The following MYH15 variants were observed in gnomAD, a reference collection of about 807,000 sequenced individuals.
MYH15 encodes the protein myosin heavy chain 15, also known as myosin-15.
MYH15 carries 227 observed loss-of-function variants against 240.5 expected under a neutral mutation model. The ratio of observed to expected loss-of-function variants is 0.94; its 90% CI spans 0.85 to 1.05. The LOEUF (loss-of-function observed/expected upper bound fraction) is 1.05, where lower values mean the gene tolerates loss of function less well. Ranked by LOEUF, MYH15 falls within the 50% of genes least tolerant of loss-of-function variation. The probability of loss-of-function intolerance (pLI) is 0.00; values close to 1 mark genes in which losing one functional copy is unlikely to be tolerated. For synonymous variants in MYH15, 785 were observed against 796.7 expected (o/e 0.99, Z 0.25); for missense variants, 2,217 against 2,247.5 (o/e 0.99, Z 0.27).
At chr3:108,466,460 T>G (rs961073871) in intron 14 of MYH15, among the ~76,000 whole-genome samples, 2 of 152,160 alleles carry the variant, frequency 1.3e-5, no homozygotes, top group African/African-American at 4.8e-5. Context: ...GTAGAAGGCC[T>G]AAAATTAAGG....
intron 16 of MYH15, among the ~76,000 whole-genome samples, 200 bp downstream of exon 16, chr3:108,462,911 C>T (rs1385775237): frequency 6.6e-6 from 1 of 152,092 alleles, no homozygotes; most frequent in African/African-American, 2.4e-5. Flanking sequence ...GAACAGACTT[C>T]TTGAATCTAT....
At chr3:108,409,617 C>T (rs1416263928) in intron 31 of MYH15, among the ~76,000 whole-genome samples, 1 of 152,212 alleles carries the variant, frequency 6.6e-6, no homozygotes, top group East Asian at 1.9e-4. Context: ...TCATTTACGC[C>T]TCCAACAGTA....
chr3:108,516,505 T>G (rs1389263954), intron 1 of MYH15, among the ~76,000 whole-genome samples: 1 of 152,180 alleles, frequency 6.6e-6, no homozygotes, highest in Non-Finnish European at 1.5e-5. Flanking sequence ...CAAGGCCCAG[T>G]GAATGCCACA....
Position 108,432,550 on chromosome 3 carries a change from T to C in MYH15, c.3222-1628A>G, listed in dbSNP as rs1410246195. On this transcript the variant is annotated intron_variant, in intron 25 of 40. Transcript: ENST00000693548. ...AAATGTCTCCAGGCCATGTCAGAGG[T>C]CTTCACTACAGACCCTCCTATCACA... Among the ~76,000 whole-genome samples, 3 of 151,990 alleles carry C rather than the reference T, an allele frequency of 2.0e-5. No individual in the cohort carries two copies. In the East Asian group the frequency reaches 5.8e-4, roughly 30 times the overall value.
intron 11 of MYH15, 36 bp from the exon 12 acceptor site, chr3:108,476,551 G>C: frequency 1.5e-6 from 2 of 1,341,318 alleles, no homozygotes; most frequent in Non-Finnish European, 2.1e-6. Flanking sequence ...GAAGGAGAGA[G>C]GAAAACACTG....
In MYH15 at chr3:108,457,561, C is replaced by T. The variant is rs528760623; in HGVS notation, c.2021-678G>A. ...AAGAAGCCACTGTCCCTGCCCTCAG[C>T]AAGTCTTCTGAAAGAAGCCAAGGAC... is the stretch of plus-strand genomic sequence containing the variant. On this transcript the variant is annotated intron_variant, in intron 18 of 40. Transcript: ENST00000693548. Among the ~76,000 whole-genome samples, 6 of 151,544 alleles carry T rather than the reference C, an allele frequency of 4.0e-5. No homozygotes were observed. The East Asian group carries it at 1.2e-3, about 30-fold the overall frequency.
intron 22 of MYH15, 65 bp downstream of exon 22, chr3:108,444,575 T>C (rs2082911347): frequency 6.4e-7 from 1 of 1,562,896 alleles, no homozygotes; most frequent in Non-Finnish European, 8.7e-7. Context: ...GTGTCAACAC[T>C]GCCTGCTTAA....
At chr3:108,407,054 G>T (rs1472227630) in intron 32 of MYH15, among the ~76,000 whole-genome samples, 1 of 152,204 alleles carries the variant, frequency 6.6e-6, no homozygotes, top group Admixed American at 6.5e-5. Flanking sequence ...GTAAGGACCA[G>T]CTGTGCTACA....
At chr3:108,476,824 T>A (rs2083225502) in intron 11 of MYH15, among the ~76,000 whole-genome samples, 1 of 151,936 alleles carries the variant, frequency 6.6e-6, no homozygotes, top group African/African-American at 2.4e-5. Context: ...CAATAACAAG[T>A]GTTGACAAGG....
intron 23 of MYH15, among the ~76,000 whole-genome samples, chr3:108,440,600 A>G (rs1401371439): frequency 6.6e-6 from 1 of 151,812 alleles, no homozygotes; most frequent in Non-Finnish European, 1.5e-5. Context: ...TTAAAGTGAC[A>G]TCTTCAAGGT....
chr3:108,435,568 T>A (rs375392293), intron 25 of MYH15, among the ~76,000 whole-genome samples: 5 of 151,948 alleles, frequency 3.3e-5, no homozygotes, highest in African/African-American at 1.2e-4. Context: ...GCAGTCTTTT[T>A]CCTTTTTGTG....
At chr3:108,430,759 T>C in intron 26 of MYH15, 73 bp downstream of exon 26, 2 of 1,169,256 alleles carry the variant, frequency 1.7e-6, no homozygotes, top group South Asian at 2.6e-5. Flanking sequence ...TGGCAGAGAA[T>C]TAGTCATTGA....
rs570791861 is a variant in MYH15, at chr3:108,442,756, G to A, written c.2656-1496C>T. 6.8e-5 allele frequency among the ~76,000 whole-genome samples: 9 copies of A among 131,428 alleles called. No homozygotes were observed. The East Asian group carries it at 2.1e-3, about 31-fold the overall frequency. The allele number at this position is 131,428 out of a possible 152,430, so 86.2% of individuals were successfully genotyped here. On this transcript the variant is annotated intron_variant, in intron 22 of 40. Coordinates refer to ENST00000693548, the MANE Select transcript of MYH15 (RefSeq NM_014981.3). ...GCTGGAATTTTGACTAAGCAAAGAA[G>A]GATTTCAAAATATTTCTTTTTTTTT...
chr3:108,510,987 T>C (rs1011842888), upstream of MYH15, among the ~76,000 whole-genome samples: 1 of 152,062 alleles, frequency 6.6e-6, no homozygotes, highest in Non-Finnish European at 1.5e-5. Context: ...TGTGGAGAAA[T>C]GGTCCTTAAA....
At chr3:108,469,481 A>G (rs902756557) in intron 14 of MYH15, among the ~76,000 whole-genome samples, 8 of 152,200 alleles carry the variant, frequency 5.3e-5, no homozygotes, top group Non-Finnish European at 1.2e-4. Flanking sequence ...ACATCACCAA[A>G]TTCAGAAACT....
intron 1 of MYH15, among the ~76,000 whole-genome samples, chr3:108,529,043 A>C (rs994195918): frequency 3.3e-5 from 5 of 152,220 alleles, no homozygotes; most frequent in Non-Finnish European, 7.3e-5. Flanking sequence ...ATGAAATCAC[A>C]TGAAGTGTTT....
chr3:108,480,889 C>T (rs1322865841), intron 11 of MYH15, among the ~76,000 whole-genome samples: 1 of 152,150 alleles, frequency 6.6e-6, no homozygotes, highest in Non-Finnish European at 1.5e-5. Context: ...TGCCCTTCCC[C>T]GTTCCTTCTT....
chr3:108,418,034 A>G (rs548893310), intron 28 of MYH15, among the ~76,000 whole-genome samples: 13 of 152,306 alleles, frequency 8.5e-5, no homozygotes, highest in Non-Finnish European at 1.6e-4. Context: ...AAAAGCTCCT[A>G]TTTTGTTATT....
At chr3:108,493,899 T>C (rs2083372392) in intron 7 of MYH15, among the ~76,000 whole-genome samples, 1 of 152,226 alleles carries the variant, frequency 6.6e-6, no homozygotes, top group African/African-American at 2.4e-5. Context: ...TTATGTTTCA[T>C]AGCACACCTT....
Sources: allele counts gnomAD v4.1 joint callset (sites outside exome capture counted in the v4.1 genomes callset), GRCh38; gene constraint gnomAD v4.1.1; transcripts MANE v1.5; gene names NCBI Gene and HGNC (gene_info 2026-07-23, HGNC 2026-07-21).